Variants in ABI1 observed in about 807,000 individuals in gnomAD.
ABI1 encodes the protein Abelson interactor 1.
A neutral mutation model predicts 54.6 loss-of-function variants in ABI1; 14 were observed. The ratio of observed to expected loss-of-function variants is 0.26; its 90% confidence interval spans 0.17 to 0.40. The LOEUF (loss-of-function observed/expected upper bound fraction) is 0.40. ABI1 is among the 10% of genes least tolerant of loss of function. The probability of loss-of-function intolerance (pLI) is 1.00; values close to 1 mark genes in which losing one functional copy is unlikely to be tolerated. For synonymous variants in ABI1, 194 were observed against 209.3 expected (o/e 0.93, Z 0.63); for missense variants, 443 against 598.3 (o/e 0.74, Z 2.71).
At chr10:26,771,849 G>C (rs971463935) in intron 3 of ABI1, among the ~76,000 whole-genome samples, 4 of 151,902 alleles carry the variant, frequency 2.6e-5, no homozygotes, top group Admixed American at 1.3e-4. Context: ...GATCCTAAAG[G>C]CTACTTCTAT....
intron 2 of ABI1, among the ~76,000 whole-genome samples, chr10:26,819,676 T>C (rs930157654): frequency 6.6e-6 from 1 of 152,184 alleles, no homozygotes; most frequent in Non-Finnish European, 1.5e-5. Context: ...TTCTGGGATA[T>C]ATAACAATTC....
intron 1 of ABI1, among the ~76,000 whole-genome samples, chr10:26,838,793 GA>G (rs1489390372): frequency 3.3e-5 from 5 of 152,154 alleles, no homozygotes; most frequent in African/African-American, 4.8e-5. Context: ...AAACAATGAG[GA>G]AAAAGAAATT....
At chr10:26,817,412 T>C (rs1265838466) in intron 2 of ABI1, among the ~76,000 whole-genome samples, 1 of 152,164 alleles carries the variant, frequency 6.6e-6, no homozygotes, top group Non-Finnish European at 1.5e-5. Flanking sequence ...AAAAAAATTA[T>C]TTTAGCAAAG....
In ABI1 at chr10:26,789,678, A is replaced by C. The variant is rs571474725; in HGVS notation, c.286-12437T>G. Reference sequence around the variant, plus strand: ...TATGTAAGATGTGTTAGTTTGTTGCATAAGTAAACATGTGTCATGGGTGTT... The same window carrying C: ...TATGTAAGATGTGTTAGTTTGTTGCCTAAGTAAACATGTGTCATGGGTGTT... On this transcript the variant is annotated intron_variant, in intron 2 of 10. Coordinates refer to ENST00000376140, the MANE Select transcript of ABI1 (RefSeq NM_001012750.3). Among the ~76,000 whole-genome samples, 9 of 152,266 alleles carry C rather than the reference A, an allele frequency of 5.9e-5. No homozygotes were observed. The East Asian group carries it at 1.7e-3, about 29-fold the overall frequency.
intron 2 of ABI1, among the ~76,000 whole-genome samples, chr10:26,817,977 G>A (rs946939985): frequency 6.6e-6 from 1 of 150,886 alleles, no homozygotes; most frequent in Non-Finnish European, 1.5e-5. Context: ...CCAGCATGGT[G>A]AAATCCCATC....
chr10:26,801,040 G>A (rs1400396365), intron 2 of ABI1, among the ~76,000 whole-genome samples: 1 of 152,144 alleles, frequency 6.6e-6, no homozygotes, highest in Non-Finnish European at 1.5e-5. Context: ...ATGAGGTCAA[G>A]AGAAGACTGA....
intron 2 of ABI1, among the ~76,000 whole-genome samples, chr10:26,820,192 A>G (rs2047875900): frequency 6.6e-6 from 1 of 152,226 alleles, no homozygotes. Context: ...TGCTCTCGCC[A>G]CACACAAAAA....
intron 2 of ABI1, among the ~76,000 whole-genome samples, chr10:26,785,589 G>A (rs934869190): frequency 2.2e-4 from 34 of 152,126 alleles, no homozygotes; most frequent in African/African-American, 8.2e-4. Context: ...GGGCACGGTG[G>A]CACATGCCTG....
intron 1 of ABI1, among the ~76,000 whole-genome samples, chr10:26,856,911 C>G (rs2050864211): frequency 6.6e-6 from 1 of 152,154 alleles, no homozygotes; most frequent in South Asian, 2.1e-4. Context: ...GCACAGAGAA[C>G]TGGCTAAACA....
At chr10:26,840,219 T>C (rs974349730) in intron 1 of ABI1, among the ~76,000 whole-genome samples, 3 of 152,066 alleles carry the variant, frequency 2.0e-5, no homozygotes, top group Admixed American at 2.0e-4. Context: ...CTCAGGTAAA[T>C]TCTTGCTCTA....
At chr10:26,778,498 G>GAAAA (rs79625616) in intron 2 of ABI1, among the ~76,000 whole-genome samples, 2 of 76,142 alleles carry the variant, frequency 2.6e-5, no homozygotes, top group African/African-American at 9.1e-5. Context: ...GTAGGAAAAA[G>GAAAA]AAAAAAAAAA....
At chr10:26,852,413 A>G (rs1238795106) in intron 1 of ABI1, among the ~76,000 whole-genome samples, 4 of 152,154 alleles carry the variant, frequency 2.6e-5, no homozygotes, top group African/African-American at 9.7e-5. Flanking sequence ...CAGGAGGCAG[A>G]AGTTGAGGTG....
At chr10:26,766,531 A>G (rs1424498859) in intron 6 of ABI1, among the ~76,000 whole-genome samples, 1 of 152,242 alleles carries the variant, frequency 6.6e-6, no homozygotes, top group African/African-American at 2.4e-5. Context: ...TAATTAGATT[A>G]TCATATGTTA....
At chr10:26,833,769 TACACACACAC>T (rs61653104) in intron 1 of ABI1, among the ~76,000 whole-genome samples, 9 of 150,184 alleles carry the variant, frequency 6.0e-5, no homozygotes, top group Admixed American at 2.7e-4. Flanking sequence ...ACAATATTTA[TACACACACAC>T]ACACACACAC....
intron 1 of ABI1, among the ~76,000 whole-genome samples, chr10:26,827,235 A>T (rs9664597): frequency 0.27 from 37,461 of 136,910 alleles, 5,230 homozygotes; most frequent in South Asian, 0.45. Context: ...CTTTTTTTTT[A>T]TCTCGAGACA....
intron 2 of ABI1, among the ~76,000 whole-genome samples, chr10:26,819,411 AG>A (rs1313042443): frequency 6.6e-6 from 1 of 152,250 alleles, no homozygotes; most frequent in African/African-American, 2.4e-5. Flanking sequence ...TACCTAATAT[AG>A]TATCACTTCA....
chr10:26,754,935 T>C (rs915496328), intron 9 of ABI1, among the ~76,000 whole-genome samples: 2 of 148,316 alleles, frequency 1.3e-5, no homozygotes, highest in African/African-American at 5.2e-5. Context: ...ATATCCAAAA[T>C]AACTTCTCCC....
At chr10:26,826,892 A>G (rs983092537) in intron 1 of ABI1, among the ~76,000 whole-genome samples, 1 of 151,532 alleles carries the variant, frequency 6.6e-6, no homozygotes, top group Admixed American at 6.6e-5. Flanking sequence ...GGCTTAAGGG[A>G]ATATTGTGGC....
rs1403926934 is a variant in ABI1 at position 26,746,926 on chromosome 10, G to A, written c.*1644C>T. ...GGAGAATGGTTTATTATAAAAGACTGTACATAAAATTTAGACAACAGGTTA... is the reference window on the plus strand; with the variant it reads ...GGAGAATGGTTTATTATAAAAGACTATACATAAAATTTAGACAACAGGTTA... On this transcript the variant is annotated 3_prime_UTR_variant, in exon 11 of 11. Coordinates refer to ENST00000376140, the MANE Select transcript of ABI1 (RefSeq NM_001012750.3). 2.4e-5 allele frequency: 6 copies of A among 253,842 alleles called. No individual in the cohort carries two copies. Among genetic ancestry groups the A allele is most frequent in the Admixed American group, 4.9e-5 (1 of 20,206 alleles). The allele number at this position is 253,842 out of a possible 1,614,324, so 15.7% of individuals were successfully genotyped here. A position where few individuals can be genotyped will look rare whatever the true frequency, so the allele number is the denominator to read the frequency against.
Sources: gnomAD v4.1 joint callset for allele counts (sites outside exome capture counted in the v4.1 genomes callset) on GRCh38, gnomAD v4.1.1 for gene constraint, MANE v1.5 for transcripts, NCBI Gene and HGNC (gene_info 2026-07-23, HGNC 2026-07-21) for gene names.